The following ANO4 variants were observed in gnomAD, a reference collection of about 807,000 sequenced individuals.
ANO4 encodes anoctamin-4.
Under a neutral mutation model 141.9 loss-of-function variants are expected in ANO4, and 69 were observed. The observed-to-expected ratio is 0.49, with a 90% CI of 0.40 to 0.59. The LOEUF (loss-of-function observed/expected upper bound fraction) is 0.59. ANO4 is among the 20% of genes least tolerant of loss of function. The probability of loss-of-function intolerance (pLI) is 0.00; values close to 1 mark genes in which losing one functional copy is unlikely to be tolerated. For synonymous variants in ANO4, 350 were observed against 394.3 expected, an observed-to-expected ratio of 0.89 and a Z score of 1.33; for missense variants, 894 against 1,162.2, an observed-to-expected ratio of 0.77 and a Z score of 3.36.
At chr12:100,727,929 C>T (rs1486954538) in intron 1 of ANO4, among the ~76,000 whole-genome samples, 2 of 152,170 alleles carry the variant, frequency 1.3e-5, no homozygotes, top group East Asian at 1.9e-4. Context: ...ACAAATTCTA[C>T]ACCTATTCAT....
At chr12:100,733,107 A>T (rs569518302) in intron 1 of ANO4, among the ~76,000 whole-genome samples, 1 of 152,242 alleles carries the variant, frequency 6.6e-6, no homozygotes, top group Admixed American at 6.5e-5. Flanking sequence ...CCTCCAATCT[A>T]TCCTGGAAAC....
At chr12:100,913,540 C>A (rs1335753563) in intron 2 of ANO4, among the ~76,000 whole-genome samples, 1 of 151,960 alleles carries the variant, frequency 6.6e-6, no homozygotes, top group Non-Finnish European at 1.5e-5. Context: ...TCTTATTGTT[C>A]CTAATTTAGA....
chr12:100,938,408 T>A (rs1470232482), intron 3 of ANO4, among the ~76,000 whole-genome samples: 1 of 152,200 alleles, frequency 6.6e-6, no homozygotes, highest in African/African-American at 2.4e-5. Flanking sequence ...ATGAATACTG[T>A]ATTACGTGCT....
At chr12:100,870,630 T>C (rs1327760462) in intron 1 of ANO4, among the ~76,000 whole-genome samples, 2 of 152,288 alleles carry the variant, frequency 1.3e-5, no homozygotes, top group Middle Eastern at 3.4e-3. Flanking sequence ...TGATGATTGC[T>C]TTCATTTAAA....
chr12:101,068,795 CCA>C, intron 14 of ANO4: 2 of 1,214,584 alleles, frequency 1.6e-6, no homozygotes, highest in Non-Finnish European at 2.4e-6. Context: ...TTAGAAGAGC[CCA>C]CAGTCATCAA....
chr12:100,904,829 G>A (rs1479010524), intron 2 of ANO4, among the ~76,000 whole-genome samples: 1 of 152,170 alleles, frequency 6.6e-6, no homozygotes, highest in Non-Finnish European at 1.5e-5. Context: ...GAGGATAAAA[G>A]GAGAAAGGTC....
chr12:100,892,915 C>T (rs953523721), intron 1 of ANO4, among the ~76,000 whole-genome samples: 3 of 152,126 alleles, frequency 2.0e-5, no homozygotes, highest in African/African-American at 4.8e-5. Context: ...CGGCACCCTC[C>T]GTTTCTTTCT....
chr12:101,002,278 G>A (rs536751040), intron 8 of ANO4, among the ~76,000 whole-genome samples: 4 of 152,274 alleles, frequency 2.6e-5, no homozygotes, highest in South Asian at 2.1e-4. Context: ...AGGAATATTC[G>A]TAGCGCATGG....
At chr12:100,762,998 A>T (rs1487050428) in intron 3 of ANO4, among the ~76,000 whole-genome samples, 5 of 152,200 alleles carry the variant, frequency 3.3e-5, no homozygotes, top group Non-Finnish European at 7.3e-5. Context: ...CATTTTACAG[A>T]TGAGAAATCT....
chr12:100,747,977 T>C (rs2032189731), intron 3 of ANO4, among the ~76,000 whole-genome samples: 2 of 152,196 alleles, frequency 1.3e-5, no homozygotes, highest in South Asian at 4.1e-4. Flanking sequence ...CTATCTTCTG[T>C]TCCAGATCAC....
chr12:100,804,156 G>C (rs2034858081), intron 1 of ANO4, among the ~76,000 whole-genome samples: 1 of 152,220 alleles, frequency 6.6e-6, no homozygotes, highest in Non-Finnish European at 1.5e-5. Flanking sequence ...GTGTGTCCAT[G>C]TTTTCTCATC....
chr12:100,824,410 A>G (rs962971603), intron 1 of ANO4, among the ~76,000 whole-genome samples: 6 of 152,056 alleles, frequency 3.9e-5, no homozygotes, highest in African/African-American at 1.4e-4. Flanking sequence ...AAAAGACAGC[A>G]TTGCAAATTA....
intron 1 of ANO4, among the ~76,000 whole-genome samples, chr12:100,876,354 G>T (rs1345288051): frequency 6.6e-6 from 1 of 151,682 alleles, no homozygotes; most frequent in Non-Finnish European, 1.5e-5. Flanking sequence ...ATGTCCAAGG[G>T]TGGAGTGGGG....
chr12:100,919,303 A>G (rs2041497294), intron 2 of ANO4, among the ~76,000 whole-genome samples: 1 of 152,114 alleles, frequency 6.6e-6, no homozygotes, highest in South Asian at 2.1e-4. Context: ...CTTCACATTC[A>G]CTCACCACTC....
At chr12:101,016,079 G>C (rs559675845) in intron 8 of ANO4, among the ~76,000 whole-genome samples, 1 of 152,336 alleles carries the variant, frequency 6.6e-6, no homozygotes, top group African/African-American at 2.4e-5. Flanking sequence ...GCAAGAGCAA[G>C]AGCAGAGGCC....
At chr12:100,950,095 G>A (rs1566047144) in intron 5 of ANO4, among the ~76,000 whole-genome samples, 1 of 152,046 alleles carries the variant, frequency 6.6e-6, no homozygotes, top group African/African-American at 2.4e-5. Context: ...CCAGAACTCC[G>A]AGGATACAAG....
chr12:100,826,324 G>GA (rs1463586083), intron 1 of ANO4, among the ~76,000 whole-genome samples: 8 of 151,992 alleles, frequency 5.3e-5, no homozygotes. Context: ...ATTGCTCACA[G>GA]AAAAAGATTC....
At chr12:101,064,020 C>T (rs1036898455) in intron 14 of ANO4, among the ~76,000 whole-genome samples, 1 of 151,482 alleles carries the variant, frequency 6.6e-6, no homozygotes, top group African/African-American at 2.4e-5. Context: ...TTTCATTTTT[C>T]ATTGATTTTT....
At chr12:100,882,462 T>C (rs2039617148) in intron 1 of ANO4, among the ~76,000 whole-genome samples, 1 of 152,138 alleles carries the variant, frequency 6.6e-6, no homozygotes, top group Non-Finnish European at 1.5e-5. Flanking sequence ...CTGAGACCTC[T>C]AGAGGTTAAT....
Sources: gnomAD v4.1 joint callset for allele counts (sites outside exome capture counted in the v4.1 genomes callset) on GRCh38, gnomAD v4.1.1 for gene constraint, MANE v1.5 for transcripts, NCBI Gene and HGNC (gene_info 2026-07-23, HGNC 2026-07-21) for gene names.